The following KCNQ3 variants were observed in gnomAD, a reference collection of about 807,000 sequenced individuals.
KCNQ3 encodes potassium voltage-gated channel subfamily KQT member 3.
KCNQ3 carries 30 observed loss-of-function variants against 92.5 expected under a neutral mutation model. That is an observed-to-expected ratio of 0.32 (90% confidence interval 0.24 to 0.44). The LOEUF (loss-of-function observed/expected upper bound fraction) is 0.44. KCNQ3 is among the 20% of genes least tolerant of loss of function. The pLI is 1.00. For missense variants in KCNQ3, 913 were observed against 1,140.3 expected, an observed-to-expected ratio of 0.80 and a Z score of 2.87; for synonymous variants, 450 against 468.8, an observed-to-expected ratio of 0.96 and a Z score of 0.52.
intron 1 of KCNQ3, among the ~76,000 whole-genome samples, chr8:132,392,007 C>T (rs1820059762): frequency 6.6e-6 from 1 of 152,152 alleles, no homozygotes; most frequent in South Asian, 2.1e-4. Context: ...GGGGTGTGTG[C>T]TCATTTTTAT....
intron 1 of KCNQ3, among the ~76,000 whole-genome samples, chr8:132,343,737 G>A (rs1430083373): frequency 2.6e-5 from 4 of 152,048 alleles, no homozygotes; most frequent in African/African-American, 9.7e-5. Flanking sequence ...CAAGCTGGAG[G>A]TGGCATGCTT....
chr8:132,437,758 C>G lies in KCNQ3; in HGVS notation c.386+42389G>C, dbSNP rs183877701. ...TTTGAAGCCATCCGTGATGCTGTCA[C>G]TGAAAACTCTGTCCCAGGCCCCAAA... On this transcript the variant is annotated intron_variant, in intron 1 of 14. Coordinates refer to ENST00000388996, the MANE Select transcript of KCNQ3 (RefSeq NM_004519.4). Among the ~76,000 whole-genome samples, 148 of 152,316 alleles carry G rather than the reference C, an allele frequency of 9.7e-4. 3 individuals carry two copies. The highest frequency in any genetic ancestry group is 3.4e-3 in the Middle Eastern group (1 of 294).
chr8:132,346,243 C>G (rs1305437434), intron 1 of KCNQ3, among the ~76,000 whole-genome samples: 1 of 152,118 alleles, frequency 6.6e-6, no homozygotes, highest in Non-Finnish European at 1.5e-5. Context: ...GGGTCTGGAA[C>G]TTTAAGCCAC....
chr8:132,249,653 G>T (rs531685299), intron 1 of KCNQ3, among the ~76,000 whole-genome samples: 1 of 152,330 alleles, frequency 6.6e-6, no homozygotes, highest in East Asian at 1.9e-4. Context: ...CACGCCGTGC[G>T]CCTGCACACC....
At chr8:132,382,248 G>C (rs950135204) in intron 1 of KCNQ3, among the ~76,000 whole-genome samples, 4 of 152,228 alleles carry the variant, frequency 2.6e-5, no homozygotes, top group African/African-American at 4.8e-5. Flanking sequence ...CTGGTAGAAA[G>C]TATTTGGGTC....
At chr8:132,269,286 C>T (rs1044792972) in intron 1 of KCNQ3, among the ~76,000 whole-genome samples, 1 of 152,140 alleles carries the variant, frequency 6.6e-6, no homozygotes, top group Non-Finnish European at 1.5e-5. Flanking sequence ...CATTACCATA[C>T]CCAAAGTCAT....
chr8:132,418,287 T>A (rs529750168), intron 1 of KCNQ3, among the ~76,000 whole-genome samples: 1 of 151,964 alleles, frequency 6.6e-6, no homozygotes, highest in African/African-American at 2.4e-5. Context: ...CAAGAAGGGA[T>A]CTGTGACAGA....
chr8:132,305,089 G>A (rs1215129159), intron 1 of KCNQ3, among the ~76,000 whole-genome samples: 1 of 152,140 alleles, frequency 6.6e-6, no homozygotes, highest in Non-Finnish European at 1.5e-5. Flanking sequence ...CTTCATCTAA[G>A]CTCCCTGTCT....
intron 12 of KCNQ3, among the ~76,000 whole-genome samples, chr8:132,134,882 C>G (rs1292935332): frequency 6.6e-6 from 1 of 152,100 alleles, no homozygotes; most frequent in Non-Finnish European, 1.5e-5. Context: ...TTCAGCTGCA[C>G]ACATCACTGC....
rs1211894526 is a variant in KCNQ3, at chr8:132,122,641, T to C, written c.*6621A>G. ...TAGGTAGAATGACAATCTTTAAAAT[T>C]ACTGGGCCAACTATTGTTGTTCTAG... On this transcript the variant is annotated 3_prime_UTR_variant, in exon 15 of 15. Transcript: ENST00000388996. The C allele has an allele frequency of 2.0e-5, 3 of 152,302 alleles. No individual in the cohort carries two copies. The South Asian group carries it at 6.2e-4, about 32-fold the overall frequency. The allele number at this position is 152,302 out of a possible 1,614,324, so 9.4% of individuals were successfully genotyped here.
At chr8:132,206,751 G>T (rs1181979338) in intron 1 of KCNQ3, among the ~76,000 whole-genome samples, 1 of 151,764 alleles carries the variant, frequency 6.6e-6, no homozygotes, top group Non-Finnish European at 1.5e-5. Flanking sequence ...TCCTAGTCTG[G>T]TTACGGTTTT....
chr8:132,349,989 C>T (rs1379313437), intron 1 of KCNQ3, among the ~76,000 whole-genome samples: 1 of 152,222 alleles, frequency 6.6e-6, no homozygotes, highest in African/African-American at 2.4e-5. Context: ...GATCATGCTT[C>T]ATGGATGGGG....
intron 1 of KCNQ3, among the ~76,000 whole-genome samples, chr8:132,256,421 A>G (rs922927759): frequency 6.6e-6 from 1 of 152,196 alleles, no homozygotes; most frequent in Non-Finnish European, 1.5e-5. Flanking sequence ...GAGGAGATAG[A>G]GGAAGGGTCA....
At chr8:132,288,927 G>C (rs1279252233) in intron 1 of KCNQ3, among the ~76,000 whole-genome samples, 1 of 152,134 alleles carries the variant, frequency 6.6e-6, no homozygotes, top group Non-Finnish European at 1.5e-5. Context: ...TATGCTATCA[G>C]ATGGCAAGGC....
At chr8:132,273,663 C>T (rs1255488867) in intron 1 of KCNQ3, among the ~76,000 whole-genome samples, 1 of 152,074 alleles carries the variant, frequency 6.6e-6, no homozygotes, top group Non-Finnish European at 1.5e-5. Context: ...GCAAATTTTC[C>T]AAACTTTTAT....
chr8:132,144,655 C>T (rs973954958), intron 9 of KCNQ3, among the ~76,000 whole-genome samples: 3 of 152,194 alleles, frequency 2.0e-5, no homozygotes, highest in Non-Finnish European at 2.9e-5. Context: ...TTGTCCTGGG[C>T]TCCTCCTTCA....
At chr8:132,159,896 C>T (rs1404700223) in intron 9 of KCNQ3, among the ~76,000 whole-genome samples, 1 of 152,318 alleles carries the variant, frequency 6.6e-6, no homozygotes, top group South Asian at 2.1e-4. Flanking sequence ...CATCCATCCA[C>T]TGTCTCACAA....
chr8:132,275,032 T>C (rs764469027), intron 1 of KCNQ3, among the ~76,000 whole-genome samples: 27 of 151,962 alleles, frequency 1.8e-4, no homozygotes, highest in Non-Finnish European at 3.4e-4. Flanking sequence ...GTTTAATTGG[T>C]AGTGAAAAAG....
At chr8:132,241,467 G>A (rs1022909466) in intron 1 of KCNQ3, among the ~76,000 whole-genome samples, 4 of 151,912 alleles carry the variant, frequency 2.6e-5, no homozygotes, top group Non-Finnish European at 2.9e-5. Flanking sequence ...GTGCGGTATC[G>A]GCTCACTGCA....
Sources: gnomAD v4.1 joint callset for allele counts (sites outside exome capture counted in the v4.1 genomes callset) on GRCh38, gnomAD v4.1.1 for gene constraint, MANE v1.5 for transcripts, NCBI Gene and HGNC (gene_info 2026-07-23, HGNC 2026-07-21) for gene names.